The following ZRANB2 variants were observed in gnomAD, a reference collection of about 807,000 sequenced individuals.
The protein encoded by ZRANB2 is zinc finger RANBP2-type containing 2, also known as zinc finger Ran-binding domain-containing protein 2.
ZRANB2 carries 19 observed loss-of-function variants against 53.4 expected under a neutral mutation model. The ratio of observed to expected loss-of-function variants is 0.36; its 90% CI spans 0.25 to 0.52. The LOEUF is 0.52. ZRANB2 is among the 20% of genes least tolerant of loss of function. The pLI is 0.93. For synonymous variants in ZRANB2, 145 were observed against 134.8 expected, an observed-to-expected ratio of 1.08 and a Z score of -0.52; for missense variants, 309 against 401.1, an observed-to-expected ratio of 0.77 and a Z score of 1.96.
chr1:71,076,719 G>A (rs1200104270), intron 4 of ZRANB2, 76 bp downstream of exon 4: 14 of 1,099,474 alleles, frequency 1.3e-5, no homozygotes, highest in South Asian at 2.7e-5. Context: ...GCTCTTACTC[G>A]AAGGTGATAC....
At chr1:71,068,723 AT>A (rs1278341375) in intron 8 of ZRANB2, among the ~76,000 whole-genome samples, 1 of 151,560 alleles carries the variant, frequency 6.6e-6, no homozygotes. Flanking sequence ...AGGCAGGGTT[AT>A]TTTTCTTCCT....
intron 4 of ZRANB2, among the ~76,000 whole-genome samples, chr1:71,073,365 T>C (rs1213645098): frequency 6.6e-6 from 1 of 152,036 alleles, no homozygotes; most frequent in Non-Finnish European, 1.5e-5. Context: ...ACAATCTAAC[T>C]GGTCACATAC....
rs191539897 is a variant in ZRANB2 at position 71,071,165 on chromosome 1, T to C, written c.514-169A>G. 6.0e-4 allele frequency among the ~76,000 whole-genome samples: 92 copies of C among 152,296 alleles called. 1 individual carries two copies. The highest frequency in any genetic ancestry group is 4.8e-3 in the Admixed American group (74 of 15,288). ...TACTAAACTCATCTCAAATAGAGAC[T>C]TGACAACTTTGTCTCAGGTATTGCA... On this transcript the variant is annotated intron_variant, in intron 6 of 9. Coordinates refer to ENST00000370920, the MANE Select transcript of ZRANB2 (RefSeq NM_203350.3).
chr1:71,071,606 C>G (rs1489611264), intron 6 of ZRANB2, among the ~76,000 whole-genome samples: 1 of 152,056 alleles, frequency 6.6e-6, no homozygotes, highest in Non-Finnish European at 1.5e-5. Flanking sequence ...TCCCCCTCAT[C>G]TCATTCTCCC....
At chr1:71,072,341 T>C in intron 5 of ZRANB2, 86 bp from the exon 6 acceptor site, 1 of 1,460,174 alleles carries the variant, frequency 6.8e-7, no homozygotes, top group East Asian at 2.4e-5. Flanking sequence ...TAGATATTTA[T>C]GATTTCCTGA....
chr1:71,072,418 ATT>A (rs1238463690), intron 5 of ZRANB2, 52 bp downstream of exon 5: 2 of 1,536,030 alleles, frequency 1.3e-6, no homozygotes, highest in African/African-American at 2.8e-5. Context: ...GCATTTAAGA[ATT>A]TTTTCTGTTT....
chr1:71,078,718 G>T lies in ZRANB2; in HGVS notation c.57-10C>A. The stretch of plus-strand genomic sequence containing the variant: ...GTTTACATTTCCACATCTAAAAACA[G>T]ATTAAAAAGCATTTATAAAAATTTA... On this transcript the variant is annotated splice_polypyrimidine_tract_variant and intron_variant, in intron 1 of 9. Transcript: ENST00000370920. 6.2e-7 allele frequency: 1 copy of T among 1,607,196 alleles called. No homozygotes were observed. The highest frequency in any genetic ancestry group is 8.5e-7 in the Non-Finnish European group (1 of 1,175,520).
intron 8 of ZRANB2, 162 bp from the exon 9 acceptor site, chr1:71,067,096 A>T: frequency 1.8e-6 from 1 of 557,392 alleles, no homozygotes; most frequent in Non-Finnish European, 2.9e-6. Context: ...CTTCTGGATC[A>T]ACCATGAAAA....
chr1:71,071,985 G>T, intron 6 of ZRANB2, 136 bp downstream of exon 6: 2 of 1,322,166 alleles, frequency 1.5e-6, no homozygotes, highest in Non-Finnish European at 2.0e-6. Flanking sequence ...TGGCAGAGTG[G>T]AAATCCAAAA....
Position 71,064,934 on chromosome 1 carries a change from C to T in ZRANB2, c.*140G>A. On this transcript the variant is annotated 3_prime_UTR_variant, in exon 10 of 10. Coordinates refer to ENST00000370920, the MANE Select transcript of ZRANB2 (RefSeq NM_203350.3). ...CTTTTAACTTCACAAATAAACACAG[C>T]TGTATTGTTTTGAAAAGCAATGAAA... 1 of 530,182 alleles carries T rather than the reference C, an allele frequency of 1.9e-6. No homozygotes were observed. The highest frequency in any genetic ancestry group is 3.3e-5 in the South Asian group (1 of 29,870). The allele number at this position is 530,182 out of a possible 1,614,324, so 32.8% of individuals were successfully genotyped here. A position where few individuals can be genotyped will look rare whatever the true frequency, so the allele number is the denominator to read the frequency against.
rs779215123 is a variant in ZRANB2, at chr1:71,065,805, G to A, written c.930-668C>T. The A allele has an allele frequency of 2.5e-6, 4 of 1,602,146 alleles. No individual in the cohort carries two copies. The Admixed American group carries it at 6.9e-5, about 27-fold the overall frequency. On this transcript the variant is annotated intron_variant, in intron 9 of 9. Coordinates refer to ENST00000370920, the MANE Select transcript of ZRANB2 (RefSeq NM_203350.3). Reference sequence around the variant, plus strand: ...AGTTTAGATGACAACAAACTAGGGGGATTATATGTGGCTAAGATAAAAATT... The same window carrying A: ...AGTTTAGATGACAACAAACTAGGGGAATTATATGTGGCTAAGATAAAAATT...
intron 4 of ZRANB2, among the ~76,000 whole-genome samples, chr1:71,075,044 T>A (rs554183070): frequency 6.6e-6 from 1 of 152,190 alleles, no homozygotes; most frequent in Non-Finnish European, 1.5e-5. Flanking sequence ...TAAACTATAG[T>A]TCTTGTGATA....
Position 71,067,025 on chromosome 1 carries a change from G to A in ZRANB2, c.771-91C>T, listed in dbSNP as rs146089155. ...ATCAGATAGCTCCAAAAATAAACAG[G>A]ATTTATAACAACTATGAAAATTTTA... On this transcript the variant is annotated intron_variant, in intron 8 of 9. Coordinates refer to ENST00000370920, the MANE Select transcript of ZRANB2 (RefSeq NM_203350.3). 643 of 1,282,538 alleles carry A rather than the reference G, an allele frequency of 5.0e-4. 3 individuals carry two copies. The Admixed American group carries it at 0.018, about 35-fold the overall frequency. The allele number at this position is 1,282,538 out of a possible 1,614,324, so 79.4% of individuals were successfully genotyped here. A position where few individuals can be genotyped will look rare whatever the true frequency, so the allele number is the denominator to read the frequency against.
chr1:71,065,039 G>C lies in ZRANB2; in HGVS notation c.*35C>G. The stretch of plus-strand genomic sequence containing the variant: ...TCTTTAAAAATATGCTTCATGCACT[G>C]TACTGGATTTTTTTAAGATGTAAAT... On this transcript the variant is annotated 3_prime_UTR_variant, in exon 10 of 10. Coordinates refer to ENST00000370920, the MANE Select transcript of ZRANB2 (RefSeq NM_203350.3). 6.7e-7 allele frequency: 1 copy of C among 1,502,856 alleles called. No individual in the cohort carries two copies. The highest frequency in any genetic ancestry group is 9.2e-7 in the Non-Finnish European group (1 of 1,087,350). The allele number at this position is 1,502,856 out of a possible 1,614,324, so 93.1% of individuals were successfully genotyped here. A position where few individuals can be genotyped will look rare whatever the true frequency, so the allele number is the denominator to read the frequency against.
rs545863253 is a variant in ZRANB2, at chr1:71,063,776, A to G, written c.*1298T>C. 7.9e-5 allele frequency: 12 copies of G among 152,474 alleles called. No homozygotes were observed. In the East Asian group the frequency reaches 2.3e-3, roughly 29 times the overall value. The allele number at this position is 152,474 out of a possible 1,614,324, so 9.4% of individuals were successfully genotyped here. A position where few individuals can be genotyped will look rare whatever the true frequency, so the allele number is the denominator to read the frequency against. On this transcript the variant is annotated 3_prime_UTR_variant, in exon 10 of 10. Coordinates refer to ENST00000370920, the MANE Select transcript of ZRANB2 (RefSeq NM_203350.3). Reference sequence around the variant, plus strand: ...AACATTCACTTTAAAGTAAAAACATATATTTTTGTTTGGTTTGTCTATGAA... The same window carrying G: ...AACATTCACTTTAAAGTAAAAACATGTATTTTTGTTTGGTTTGTCTATGAA...
chr1:71,065,929 T>C, intron 9 of ZRANB2: 1 of 864,048 alleles, frequency 1.2e-6, no homozygotes, highest in Non-Finnish European at 1.7e-6. Flanking sequence ...CTGTGTGAAA[T>C]CTTAACATCT....
Position 71,070,987 on chromosome 1 carries a change from C to A in ZRANB2, c.523G>T (p.Glu175Ter). ...SKYKLDEDEDEDDADLSKYNL... is the reference protein window; with the variant it reads ...SKYKLDEDED ...TATTTTGAGAGATCAGCGTCATCTT[C>A]ATCCTCATCCTAACAAAAATTCAAT... The change falls in exon 7 of 10, where the codon GAA (glutamate) becomes TAA (stop). Residue 175 changes from glutamate (E) to a stop codon, truncating the protein, a stop_gained. Coordinates refer to ENST00000370920, the MANE Select transcript of ZRANB2 (RefSeq NM_203350.3). LOFTEE classifies it high-confidence loss of function. 6.4e-7 allele frequency: 1 copy of A among 1,561,668 alleles called. No homozygotes were observed. The highest frequency in any genetic ancestry group is 8.6e-7 in the Non-Finnish European group (1 of 1,158,146).
chr1:71,066,671 CG>C (rs1557789245), intron 9 of ZRANB2, 104 bp downstream of exon 9: 1 of 1,206,304 alleles, frequency 8.3e-7, no homozygotes, highest in East Asian at 2.6e-5. Flanking sequence ...AGTAGAAAGT[CG>C]GAACACAAGA....
intron 7 of ZRANB2, among the ~76,000 whole-genome samples, chr1:71,070,526 C>T (rs1661570525): frequency 6.6e-6 from 1 of 152,042 alleles, no homozygotes; most frequent in Non-Finnish European, 1.5e-5. Context: ...TGTAAGCTAT[C>T]TCTTTAGATT....
Sources: allele counts gnomAD v4.1 joint callset (sites outside exome capture counted in the v4.1 genomes callset), GRCh38; gene constraint gnomAD v4.1.1; transcripts MANE v1.5; gene names NCBI Gene and HGNC (gene_info 2026-07-23, HGNC 2026-07-21).